The following SATB1 variants were observed in gnomAD, a reference collection of about 807,000 sequenced individuals.
The protein encoded by SATB1 is SATB homeobox 1.
SATB1 carries 11 observed loss-of-function variants against 86.9 expected under a neutral mutation model. The observed-to-expected ratio is 0.13, with a 90% CI of 0.08 to 0.21. The LOEUF is 0.21. Among genes scored for constraint, SATB1 ranks in the 10% least tolerant of loss-of-function variants. The probability of loss-of-function intolerance (pLI) is 1.00; values close to 1 mark genes in which losing one functional copy is unlikely to be tolerated. For synonymous variants in SATB1, 357 were observed against 357.2 expected (o/e 1.00, Z 0.01); for missense variants, 551 against 937.6 (o/e 0.59, Z 5.39).
At chr3:18,360,563 T>C (rs2125145423) in intron 9 of SATB1, among the ~76,000 whole-genome samples, 1 of 152,228 alleles carries the variant, frequency 6.6e-6, no homozygotes, top group African/African-American at 2.4e-5. Flanking sequence ...CTACTTGTCT[T>C]TCAAGACACG....
chr3:18,431,861 T>A (rs1698901228), intron 2 of SATB1, among the ~76,000 whole-genome samples: 1 of 152,198 alleles, frequency 6.6e-6, no homozygotes. Context: ...ATACATGCTA[T>A]TTGAGGAACC....
chr3:18,439,361 C>T (rs1699172761), upstream of SATB1, among the ~76,000 whole-genome samples: 1 of 152,126 alleles, frequency 6.6e-6, no homozygotes, highest in South Asian at 2.1e-4. Flanking sequence ...AAATGCTACA[C>T]TACTAAATCT....
At chr3:18,398,454 A>G (rs1697075156) in intron 5 of SATB1, among the ~76,000 whole-genome samples, 2 of 152,216 alleles carry the variant, frequency 1.3e-5, no homozygotes, top group East Asian at 1.9e-4. Flanking sequence ...AGAAGGCAGC[A>G]TTGTTCAGGA....
In SATB1 at chr3:18,348,920, C is replaced by T. The variant is rs1365317031; in HGVS notation, c.*250G>A. 2.4e-5 allele frequency: 13 copies of T among 552,126 alleles called. No homozygotes were observed. Among genetic ancestry groups the T allele is most frequent in the Admixed American group, 2.1e-4 (6 of 28,320 alleles). The allele number at this position is 552,126 out of a possible 1,614,324, so 34.2% of individuals were successfully genotyped here. A position where few individuals can be genotyped will look rare whatever the true frequency, so the allele number is the denominator to read the frequency against. ...ACGGGGTACACACTTTGGTGCATCC[C>T]GTGAACACAAATTTTAATACCAAAC... On this transcript the variant is annotated 3_prime_UTR_variant, in exon 11 of 11. Coordinates refer to ENST00000338745, the MANE Select transcript of SATB1 (RefSeq NM_002971.6).
At chr3:18,397,329 C>A (rs1412046181) in intron 5 of SATB1, 39 bp from the exon 6 acceptor site, 2 of 1,110,770 alleles carry the variant, frequency 1.8e-6, no homozygotes, top group African/African-American at 1.5e-5. Flanking sequence ...TAATACACAG[C>A]AGCACAAGAT....
rs1694204862 is a variant in SATB1, at chr3:18,348,982, T to G, written c.*188A>C. 2.0e-6 allele frequency: 2 copies of G among 1,001,326 alleles called. No individual in the cohort carries two copies. The highest frequency in any genetic ancestry group is 2.8e-6 in the Non-Finnish European group (2 of 708,084). The allele number at this position is 1,001,326 out of a possible 1,614,324, so 62.0% of individuals were successfully genotyped here. A position where few individuals can be genotyped will look rare whatever the true frequency, so the allele number is the denominator to read the frequency against. On this transcript the variant is annotated 3_prime_UTR_variant, in exon 11 of 11. Transcript: ENST00000338745. ...CTTCACCTGGGGCTGCCAAGCAGTT[T>G]GTAAAACAGAGGAAAACATTTAGTG...
chr3:18,373,255 T>C (rs956987627), intron 9 of SATB1, among the ~76,000 whole-genome samples: 2 of 152,142 alleles, frequency 1.3e-5, no homozygotes, highest in African/African-American at 4.8e-5. Context: ...GCACCGGAAA[T>C]AACAGAAACC....
chr3:18,398,075 T>G (rs1315153910), intron 5 of SATB1, among the ~76,000 whole-genome samples: 1 of 152,204 alleles, frequency 6.6e-6, no homozygotes, highest in Non-Finnish European at 1.5e-5. Context: ...TCTAAATTTC[T>G]CAAGGATACC....
intron 1 of SATB1, among the ~76,000 whole-genome samples, chr3:18,421,806 C>T (rs1006678360): frequency 4.0e-5 from 6 of 150,422 alleles, no homozygotes; most frequent in East Asian, 3.9e-4. Flanking sequence ...GAATACACTT[C>T]GTGATATGCA....
At chr3:18,399,345 C>T (rs1363849337) in intron 5 of SATB1, among the ~76,000 whole-genome samples, 6 of 152,092 alleles carry the variant, frequency 3.9e-5, no homozygotes, top group Admixed American at 1.3e-4. Context: ...CCAAAGATGG[C>T]GGACAGCCTC....
chr3:18,374,984 C>T (rs1695671342), intron 9 of SATB1, among the ~76,000 whole-genome samples: 1 of 152,142 alleles, frequency 6.6e-6, no homozygotes, highest in Non-Finnish European at 1.5e-5. Context: ...AATGACACAA[C>T]CTGGATCAGA....
intron 7 of SATB1, among the ~76,000 whole-genome samples, chr3:18,389,575 G>A (rs1036066344): frequency 1.3e-5 from 2 of 152,006 alleles, no homozygotes; most frequent in Non-Finnish European, 2.9e-5. Context: ...AAGGTCATTT[G>A]TAGTACTGCC....
intron 8 of SATB1, among the ~76,000 whole-genome samples, chr3:18,378,674 T>C (rs1695887918): frequency 1.3e-5 from 2 of 152,296 alleles, no homozygotes; most frequent in East Asian, 3.9e-4. Context: ...CAAAGGAAAT[T>C]CACAATTAAA....
intron 9 of SATB1, among the ~76,000 whole-genome samples, chr3:18,364,571 TAA>T (rs1695084300): frequency 6.6e-6 from 1 of 151,782 alleles, no homozygotes; most frequent in Non-Finnish European, 1.5e-5. Context: ...TTGGAGAAAA[TAA>T]AGTCATTTTT....
At chr3:18,401,886 A>C (rs1455776876) in intron 5 of SATB1, among the ~76,000 whole-genome samples, 1 of 152,116 alleles carries the variant, frequency 6.6e-6, no homozygotes, top group East Asian at 1.9e-4. Flanking sequence ...CAGAAACCCC[A>C]GTACTCTAGA....
Position 18,347,164 on chromosome 3 carries a change from G to A in SATB1, c.*2006C>T, listed in dbSNP as rs908992091. 2.0e-5 allele frequency: 3 copies of A among 152,078 alleles called. No homozygotes were observed. The highest frequency in any genetic ancestry group is 1.3e-4 in the Admixed American group (2 of 15,274). The allele number at this position is 152,078 out of a possible 1,614,324, so 9.4% of individuals were successfully genotyped here. On this transcript the variant is annotated 3_prime_UTR_variant, in exon 11 of 11. Coordinates refer to ENST00000338745, the MANE Select transcript of SATB1 (RefSeq NM_002971.6). ...CAGTTGCCTACCAATAAGCTCATCA[G>A]GGCCTGAGAAGATGGTAGGCAGAAA...
At position 18,416,276 on chromosome 3, in the gene SATB1, G is replaced by A. The variant is rs982740564; in HGVS notation, c.389-143C>T. ...TTGAATGATTCCCTTCCCTCTAAAA[G>A]GCAGGTCAATGAAAATATTCACAGC... On this transcript the variant is annotated intron_variant, in intron 3 of 10. Coordinates refer to ENST00000338745, the MANE Select transcript of SATB1 (RefSeq NM_002971.6). 13 of 548,402 alleles carry A rather than the reference G, an allele frequency of 2.4e-5. 1 individual carries two copies. Among genetic ancestry groups the A allele is most frequent in the Admixed American group, 2.4e-4 (6 of 25,410 alleles). 34.0% of individuals were successfully genotyped at this position (548,402 alleles called of 1,614,324 possible).
At chr3:18,409,955 GT>G (rs931546669) in intron 5 of SATB1, among the ~76,000 whole-genome samples, 3 of 151,998 alleles carry the variant, frequency 2.0e-5, no homozygotes, top group African/African-American at 7.2e-5. Context: ...TTACCTTGGG[GT>G]TCAAAACAAA....
At chr3:18,363,455 A>G (rs1012419345) in intron 9 of SATB1, among the ~76,000 whole-genome samples, 3 of 152,150 alleles carry the variant, frequency 2.0e-5, no homozygotes, top group Non-Finnish European at 4.4e-5. Context: ...TTACCAATAA[A>G]AGGAGACAAG....
Sources: gnomAD v4.1 joint callset for allele counts (sites outside exome capture counted in the v4.1 genomes callset) on GRCh38, gnomAD v4.1.1 for gene constraint, MANE v1.5 for transcripts, NCBI Gene and HGNC (gene_info 2026-07-23, HGNC 2026-07-21) for gene names.